The following TPTE2 variants were observed in gnomAD, a reference collection of about 807,000 sequenced individuals.
TPTE2 encodes the protein transmembrane phosphoinositide 3-phosphatase and tensin homolog 2.
Under a neutral mutation model 78.6 loss-of-function variants are expected in TPTE2, and 53 were observed. That is an observed-to-expected ratio of 0.67 (90% confidence interval 0.54 to 0.85). The LOEUF is 0.85. TPTE2 is among the 40% of genes least tolerant of loss of function. The pLI, the probability that TPTE2 is intolerant of heterozygous loss-of-function variation, is 0.00. For missense variants in TPTE2, 461 were observed against 623.0 expected (o/e 0.74, Z 2.77); for synonymous variants, 175 against 206.2 (o/e 0.85, Z 1.30).
At chr13:19,436,044 G>A (rs1234909079) in intron 15 of TPTE2, among the ~76,000 whole-genome samples, 182 bp downstream of exon 18, 2 of 152,106 alleles carry the variant, frequency 1.3e-5, no homozygotes, top group Admixed American at 1.3e-4. Flanking sequence ...AGAGTCCCCA[G>A]CATGTGGGCA....
chr13:19,507,002 T>C (rs1283022890), upstream of TPTE2, among the ~76,000 whole-genome samples: 1 of 152,164 alleles, frequency 6.6e-6, no homozygotes, highest in African/African-American at 2.4e-5. Flanking sequence ...GGATGTTACA[T>C]ACAGAAGCTG....
At chr13:19,423,391 G>A (rs1329258318) in intron 19 of TPTE2, among the ~76,000 whole-genome samples, 1 of 152,024 alleles carries the variant, frequency 6.6e-6, no homozygotes, top group Non-Finnish European at 1.5e-5. Flanking sequence ...TCTTAGCATT[G>A]CTTTATATGG....
At chr13:19,458,630 C>T (rs1309334073) in intron 10 of TPTE2, 1 of 485,626 alleles carries the variant, frequency 2.1e-6, no homozygotes, top group Non-Finnish European at 4.1e-6. Flanking sequence ...GAGATTAGGC[C>T]CAGTCTTTTG....
At chr13:19,454,496 T>C (rs1878411805) in intron 10 of TPTE2, among the ~76,000 whole-genome samples, 2 of 152,172 alleles carry the variant, frequency 1.3e-5, no homozygotes, top group South Asian at 2.1e-4. Context: ...ACTAGTAGCT[T>C]AGATTTGGGG....
chr13:19,455,657 T>G (rs1210833978), intron 10 of TPTE2, among the ~76,000 whole-genome samples: 2 of 151,874 alleles, frequency 1.3e-5, no homozygotes, highest in African/African-American at 2.4e-5. Flanking sequence ...AGATGAAAAG[T>G]TCTAAATAAA....
At chr13:19,525,152 G>A (rs956764534) in intron 1 of TPTE2, among the ~76,000 whole-genome samples, 1 of 152,158 alleles carries the variant, frequency 6.6e-6, no homozygotes, top group African/African-American at 2.4e-5. Flanking sequence ...CAGGGTGGTA[G>A]TAAGAATTGA....
chr13:19,487,432 G>A (rs1880727704), intron 3 of TPTE2, among the ~76,000 whole-genome samples: 1 of 152,074 alleles, frequency 6.6e-6, no homozygotes, highest in African/African-American at 2.4e-5. Flanking sequence ...CCTGAGCATG[G>A]GCTCATAGTC....
intron 9 of TPTE2, among the ~76,000 whole-genome samples, chr13:19,465,001 A>C (rs1879172996): frequency 6.6e-6 from 1 of 152,214 alleles, no homozygotes; most frequent in Admixed American, 6.5e-5. Context: ...AGAGGTTAAT[A>C]AATTGAAACT....
At chr13:19,536,160 TG>T (rs137867609) in intron 1 of TPTE2, among the ~76,000 whole-genome samples, 8,376 of 152,224 alleles carry the variant, frequency 0.055, 355 homozygotes, top group Non-Finnish European at 0.086. Context: ...TTTGTTTGCT[TG>T]TTTTTGTGTA....
intron 1 of TPTE2, among the ~76,000 whole-genome samples, chr13:19,508,967 C>A (rs540756469): frequency 1.3e-5 from 2 of 152,098 alleles, no homozygotes; most frequent in Admixed American, 6.6e-5. Context: ...TATTGCTGTT[C>A]TCTGAATATA....
chr13:19,454,380 CTCAA>C (rs1230926093), intron 10 of TPTE2, among the ~76,000 whole-genome samples: 24 of 152,282 alleles, frequency 1.6e-4, no homozygotes, highest in African/African-American at 5.1e-4. Context: ...GTAGATACTT[CTCAA>C]ATATGACAGA....
chr13:19,427,079 C>CTTTTTTTTTTTTTTTTTTT (rs55904352), intron 17 of TPTE2, among the ~76,000 whole-genome samples: 2 of 67,292 alleles, frequency 3.0e-5, no homozygotes, highest in African/African-American at 6.4e-5. Context: ...CTTTTCTTTT[C>CTTTTTTTTTTTTTTTTTTT]TTTTTTTTTT....
In TPTE2 at chr13:19,535,186, G is replaced by A. The variant is rs951825160; in HGVS notation, c.-44+1410C>T. 3.3e-5 allele frequency among the ~76,000 whole-genome samples: 5 copies of A among 149,448 alleles called. No homozygotes were observed. The highest frequency in any genetic ancestry group is 7.4e-5 in the Non-Finnish European group (5 of 67,758). On this transcript the variant is annotated intron_variant, in intron 1 of 17. Transcript: ENST00000390680. The surrounding 1 kb of genome is among the most constrained non-coding windows in gnomAD (Gnocchi z 5.1). The stretch of plus-strand genomic sequence containing the variant: ...AAACTGCACTCTAGCCTGGGTGACA[G>A]AGTGAGATTCCTTCTCAAAAAAACA...
intron 15 of TPTE2, among the ~76,000 whole-genome samples, chr13:19,434,668 C>A (rs1876935659): frequency 6.6e-6 from 1 of 152,120 alleles, no homozygotes; most frequent in Non-Finnish European, 1.5e-5. Context: ...CTGGCCCAAA[C>A]TAAAGGTTTA....
intron 1 of TPTE2, among the ~76,000 whole-genome samples, chr13:19,523,365 C>G (rs745635129): frequency 1.3e-5 from 2 of 151,744 alleles, no homozygotes; most frequent in African/African-American, 2.4e-5. Flanking sequence ...TTTCAGAGAT[C>G]TGAAAAGTTG....
the TPTE2 span, chr13:19,560,758 G>A: frequency 1.4e-6 from 2 of 1,481,308 alleles, no homozygotes; most frequent in Non-Finnish European, 1.9e-6. Context: ...AGCAGGGAAG[G>A]CGCCCGGGAA....
chr13:19,497,328 G>A (rs7985319), intron 1 of TPTE2, among the ~76,000 whole-genome samples: 58,271 of 115,594 alleles, frequency 0.5, 15,527 homozygotes, highest in East Asian at 0.78. Flanking sequence ...TGCCTCTGTA[G>A]GCTCCACCTC....
intron 1 of TPTE2, among the ~76,000 whole-genome samples, chr13:19,532,208 T>A (rs957971337): frequency 6.6e-6 from 1 of 152,192 alleles, no homozygotes; most frequent in African/African-American, 2.4e-5. Flanking sequence ...AACAGTCTGA[T>A]TAAATGCTTG....
At chr13:19,547,495 C>G in the TPTE2 span, among the ~76,000 whole-genome samples, 1 of 152,016 alleles carries the variant, frequency 6.6e-6, no homozygotes, top group South Asian at 2.1e-4. Context: ...ATTTAAAATA[C>G]ACCTATTCTT....
Sources: allele counts gnomAD v4.1 joint callset (sites outside exome capture counted in the v4.1 genomes callset), GRCh38; gene constraint gnomAD v4.1.1; non-coding constraint Gnocchi (gnomAD v3.1); transcripts MANE v1.5; gene names NCBI Gene and HGNC (gene_info 2026-07-23, HGNC 2026-07-21).